DLG2: variants seen among roughly 807,000 people sequenced by gnomAD.
DLG2 encodes discs large MAGUK scaffold protein 2, also known as disks large homolog 2.
A neutral mutation model predicts 132.5 loss-of-function variants in DLG2; 45 were observed. That is an observed-to-expected ratio of 0.34 (90% CI 0.27 to 0.44). DLG2 has a LOEUF of 0.44. Among genes scored for constraint, DLG2 ranks in the 20% least tolerant of loss-of-function variants. The pLI is 1.00. For synonymous variants in DLG2, 424 were observed against 419.6 expected (o/e 1.01, Z -0.13); for missense variants, 1,045 against 1,196.9 (o/e 0.87, Z 1.87).
rs1482694529 is a variant in DLG2, at chr11:85,606,338, TTCTG to T, written c.-92-7554_-92-7551del. On this transcript the variant is annotated intron_variant, in intron 2 of 27. Transcript: ENST00000376104. ...GGTCAGGTGGGGACTTGGAGAACTT[TTCTG>T]TCTAACTAAAGGATTGTAAATGCAC... Among the ~76,000 whole-genome samples, 7 of 152,252 alleles carry T rather than the reference TTCTG, an allele frequency of 4.6e-5. 1 individual carries two copies. In the South Asian group the frequency reaches 1.2e-3, roughly 27 times the overall value.
intron 6 of DLG2, among the ~76,000 whole-genome samples, chr11:85,071,891 T>TA (rs977886649): frequency 1.3e-5 from 2 of 151,872 alleles, no homozygotes; most frequent in African/African-American, 4.8e-5. Flanking sequence ...AATGCTTTTC[T>TA]AAAAAGAAGC....
intron 21 of DLG2, among the ~76,000 whole-genome samples, chr11:83,490,333 A>G (rs994139574): frequency 1.3e-5 from 2 of 152,014 alleles, no homozygotes; most frequent in African/African-American, 4.8e-5. Flanking sequence ...AACACATTCA[A>G]TTAAAAAAAT....
chr11:83,476,572 G>A (rs3893180), intron 22 of DLG2, among the ~76,000 whole-genome samples: 8,593 of 152,106 alleles, frequency 0.056, 782 homozygotes, highest in African/African-American at 0.19. Flanking sequence ...CTTAATATAC[G>A]TACAGTCCTT....
intron 20 of DLG2, among the ~76,000 whole-genome samples, chr11:83,533,864 C>G (rs946625022): frequency 2.0e-5 from 3 of 151,968 alleles, no homozygotes; most frequent in African/African-American, 7.3e-5. Flanking sequence ...GTGATAAAAT[C>G]AGATCAGCAT....
chr11:84,858,021 T>C (rs1187496425), intron 6 of DLG2, among the ~76,000 whole-genome samples: 1 of 151,932 alleles, frequency 6.6e-6, no homozygotes, highest in Non-Finnish European at 1.5e-5. Context: ...GCCTCTTGAA[T>C]AGCTGGGACC....
intron 6 of DLG2, among the ~76,000 whole-genome samples, chr11:84,682,035 C>T (rs1473924244): frequency 2.0e-5 from 3 of 152,048 alleles, no homozygotes; most frequent in East Asian, 1.9e-4. Context: ...AGGTGCCAGG[C>T]TCTTTTTAAC....
At chr11:84,278,727 A>T (rs903022177) in intron 7 of DLG2, among the ~76,000 whole-genome samples, 24 of 152,334 alleles carry the variant, frequency 1.6e-4, no homozygotes, top group African/African-American at 5.8e-4. Flanking sequence ...CTGAAAATTA[A>T]ATAATGAATT....
chr11:83,830,564 G>A (rs1440743503), intron 17 of DLG2, among the ~76,000 whole-genome samples: 1 of 152,228 alleles, frequency 6.6e-6, no homozygotes, highest in Admixed American at 6.5e-5. Flanking sequence ...TGACTCAAAA[G>A]TACCATGTAA....
chr11:85,453,787 T>C (rs1394857368), intron 3 of DLG2: 2 of 152,172 alleles, frequency 1.3e-5, no homozygotes, highest in Non-Finnish European at 2.9e-5. Context: ...TTTGTCTTTT[T>C]TTAAATTTTA....
intron 3 of DLG2, among the ~76,000 whole-genome samples, chr11:85,341,954 T>A (rs938846689): frequency 1.3e-5 from 2 of 152,124 alleles, no homozygotes; most frequent in Admixed American, 1.3e-4. Flanking sequence ...TGGTAAAAAA[T>A]ATAACAAATG....
At chr11:83,544,315 G>A (rs2096175876) in intron 19 of DLG2, among the ~76,000 whole-genome samples, 1 of 152,140 alleles carries the variant, frequency 6.6e-6, no homozygotes, top group Non-Finnish European at 1.5e-5. Context: ...ATCAACCTGG[G>A]AGTTGTCTTG....
In DLG2 at chr11:83,553,922, G is replaced by A. The variant is rs1200016914; in HGVS notation, c.1941-12064C>T. On this transcript the variant is annotated intron_variant, in intron 19 of 27. Coordinates refer to ENST00000376104, the MANE Select transcript of DLG2 (RefSeq NM_001142699.3). ...TTCTTTTTTTTTTTTTTGTGGGATA[G>A]TCTCGCTCAGTCACCCAAGCTAGAG... 2.1e-5 allele frequency among the ~76,000 whole-genome samples: 3 copies of A among 140,836 alleles called. No individual in the cohort carries two copies. The East Asian group carries it at 6.1e-4, about 29-fold the overall frequency. 92.4% of individuals were successfully genotyped at this position (140,836 alleles called of 152,430 possible).
At chr11:84,152,668 A>G (rs6592166) in intron 9 of DLG2, among the ~76,000 whole-genome samples, 120,490 of 151,970 alleles carry the variant, frequency 0.79, 48,177 homozygotes, top group Middle Eastern at 0.89. Flanking sequence ...TTACAGGCGT[A>G]AGCCACCGCG....
At chr11:84,829,609 A>C (rs780123510) in intron 6 of DLG2, among the ~76,000 whole-genome samples, 1 of 151,734 alleles carries the variant, frequency 6.6e-6, no homozygotes, top group Admixed American at 6.6e-5. Flanking sequence ...CCTTAAGCCT[A>C]GGTGACTTTG....
intron 4 of DLG2, among the ~76,000 whole-genome samples, chr11:85,205,422 T>C (rs927862896): frequency 1.3e-5 from 2 of 151,802 alleles, no homozygotes; most frequent in African/African-American, 4.8e-5. Context: ...AGCTGGTAAA[T>C]AGGTACAAAA....
At chr11:84,067,180 A>G (rs1208880549) in intron 10 of DLG2, among the ~76,000 whole-genome samples, 2 of 151,908 alleles carry the variant, frequency 1.3e-5, no homozygotes, top group African/African-American at 4.8e-5. Flanking sequence ...CAAAAATACA[A>G]AAAATTAGCC....
intron 19 of DLG2, among the ~76,000 whole-genome samples, chr11:83,589,114 C>A (rs1044018600): frequency 4.8e-4 from 71 of 148,908 alleles, no homozygotes; most frequent in African/African-American, 1.7e-3. Context: ...GGCAGGCCAA[C>A]GTTCAGATTC....
At chr11:84,973,254 T>C (rs776532781) in intron 6 of DLG2, among the ~76,000 whole-genome samples, 5 of 152,144 alleles carry the variant, frequency 3.3e-5, no homozygotes, top group Non-Finnish European at 7.4e-5. Context: ...CCACCACGCC[T>C]GGCCTAAGCC....
chr11:85,145,159 T>A (rs941208384), intron 5 of DLG2, among the ~76,000 whole-genome samples: 2 of 152,060 alleles, frequency 1.3e-5, no homozygotes, highest in Admixed American at 6.6e-5. Context: ...TGCACCTCTA[T>A]CTTGGACTGT....
Sources: allele counts gnomAD v4.1 joint callset (sites outside exome capture counted in the v4.1 genomes callset), GRCh38; gene constraint gnomAD v4.1.1; transcripts MANE v1.5; gene names NCBI Gene and HGNC (gene_info 2026-07-23, HGNC 2026-07-21).